The following FARP2 variants were observed in gnomAD, a reference collection of about 807,000 sequenced individuals.
FARP2 encodes the protein FERM, ARHGEF and pleckstrin domain-containing protein 2.
In FARP2, 111 loss-of-function variants were observed where a neutral mutation model predicts 130.5. The ratio of observed to expected loss-of-function variants is 0.85; its 90% CI spans 0.73 to 1.00. The LOEUF (loss-of-function observed/expected upper bound fraction) is 1.00. Ranked by LOEUF, FARP2 falls within the 50% of genes least tolerant of loss-of-function variation. The pLI is 0.00. For synonymous variants in FARP2, 504 were observed against 516.9 expected (o/e 0.98, Z 0.34); for missense variants, 1,385 against 1,346.3 (o/e 1.03, Z -0.45).
rs1291410261 is a variant in FARP2, at chr2:241,456,824, C to G, written c.1489C>G (p.Pro497Ala). 7 of 1,613,960 alleles carry G rather than the reference C, an allele frequency of 4.3e-6. No homozygotes were observed. The highest frequency in any genetic ancestry group is 5.9e-6 in the Non-Finnish European group (7 of 1,179,980). ...GAGTCTGAGCCCTGCATTTCAGGTG[C>G]CTTTGGGCCCAGCTGAACAGGGCTC... is the stretch of plus-strand genomic sequence containing the variant. ...PLSLSPAFQV[P>A]LGPAEQGSSP... The change falls in exon 14 of 27, where the codon CCT becomes GCT. Residue 497 changes from proline (P) to alanine (A), a missense_variant. Coordinates refer to ENST00000264042, the MANE Select transcript of FARP2 (RefSeq NM_014808.4).
At chr2:241,400,370 G>A (rs2062137203) in intron 2 of FARP2, among the ~76,000 whole-genome samples, 1 of 152,228 alleles carries the variant, frequency 6.6e-6, no homozygotes, top group African/African-American at 2.4e-5. Context: ...GTGAGCCAGA[G>A]CTGGAGCTAC....
chr2:241,453,501 A>C (rs1002741267), intron 13 of FARP2, among the ~76,000 whole-genome samples: 3 of 151,684 alleles, frequency 2.0e-5, no homozygotes, highest in African/African-American at 7.3e-5. Flanking sequence ...GGGAGCCTGT[A>C]GTCCCAGCTA....
At chr2:241,486,992 G>A (rs1380880214) in intron 21 of FARP2, among the ~76,000 whole-genome samples, 1 of 146,998 alleles carries the variant, frequency 6.8e-6, no homozygotes, top group East Asian at 1.9e-4. Context: ...CTGTCGGTGA[G>A]GCCAGCCTGG....
chr2:241,445,685 C>T (rs994767401), intron 13 of FARP2: 28 of 152,332 alleles, frequency 1.8e-4, no homozygotes, highest in South Asian at 4.1e-4. Flanking sequence ...GCAGATTTGA[C>T]TCAGCACTCC....
intron 2 of FARP2, among the ~76,000 whole-genome samples, chr2:241,385,224 A>C (rs1020942139): frequency 2.3e-4 from 35 of 152,300 alleles, no homozygotes; most frequent in African/African-American, 8.4e-4. Flanking sequence ...GGTTGCTAGA[A>C]AGTAAGTTAT....
At chr2:241,435,261 G>A (rs2063196753) in intron 11 of FARP2, among the ~76,000 whole-genome samples, 2 of 147,480 alleles carry the variant, frequency 1.4e-5, no homozygotes, top group Non-Finnish European at 3.0e-5. Flanking sequence ...CCCCTGGCTA[G>A]TTTTTTTTGT....
At chr2:241,357,034 A>G (rs1476698) in intron 1 of FARP2, among the ~76,000 whole-genome samples, 59,829 of 152,134 alleles carry the variant, frequency 0.39, 12,236 homozygotes, top group East Asian at 0.67. Flanking sequence ...TACACACCCG[A>G]ATTACGGGCA....
At position 241,431,742 on chromosome 2, in the gene FARP2, A is replaced by G. The variant is rs2063096885; in HGVS notation, c.835A>G (p.Arg279Gly). ...CCGTAAACTAAGCTTCAAGAGGAAA[A>G]GATTTCTTATCAAACTTCATCCAGA... ...KVRKLSFKRKRFLIKLHPEVH... is the reference protein window; with the variant it reads ...KVRKLSFKRKGFLIKLHPEVH... The change falls in exon 9 of 27, where the codon AGA becomes GGA. Residue 279 changes from arginine (R) to glycine (G), a missense_variant. Transcript: ENST00000264042. 2.5e-6 allele frequency: 4 copies of G among 1,587,898 alleles called. No homozygotes were observed. The highest frequency in any genetic ancestry group is 3.4e-6 in the Non-Finnish European group (4 of 1,160,150).
chr2:241,477,591 G>A (rs576559729), intron 19 of FARP2, among the ~76,000 whole-genome samples: 1 of 152,258 alleles, frequency 6.6e-6, no homozygotes, highest in Non-Finnish European at 1.5e-5. Flanking sequence ...TTTCAGTTTT[G>A]AGTATATACC....
Position 241,489,978 on chromosome 2 carries a change from A to C in FARP2, c.2438A>C (p.Asn813Thr). 1 of 1,613,480 alleles carries C rather than the reference A, an allele frequency of 6.2e-7. No homozygotes were observed. The highest frequency in any genetic ancestry group is 8.5e-7 in the Non-Finnish European group (1 of 1,179,448). The change falls in exon 22 of 27, where the codon AAC (asparagine) becomes ACC (threonine). Residue 813 changes from asparagine to threonine, a missense_variant. Transcript: ENST00000264042. ...LQGMLVEESD[N>T]EWSVPHCFTI... The stretch of plus-strand genomic sequence containing the variant: ...CACCCACAGGTGGAAGAAAGTGATA[A>C]CGAGTGGTCTGTTCCACACTGTTTC...
chr2:241,425,927 A>AT (rs530395257), intron 8 of FARP2, among the ~76,000 whole-genome samples: 2,626 of 145,880 alleles, frequency 0.018, 40 homozygotes, highest in Non-Finnish European at 0.023. Context: ...GCATTTGGCG[A>AT]TTTTTTTTTT....
intron 7 of FARP2, 59 bp from the exon 8 acceptor site, chr2:241,417,903 T>C (rs1380540133): frequency 6.3e-7 from 1 of 1,582,204 alleles, no homozygotes; most frequent in Admixed American, 1.7e-5. Flanking sequence ...TATAATGCAT[T>C]TTGGCTCTTT....
chr2:241,491,665 A>G lies in FARP2; in HGVS notation c.2773A>G (p.Ser925Gly), dbSNP rs1481393848. Residue 925 changes from serine (S) to glycine (G), a missense_variant, in exon 24 of 27, where the codon AGT becomes GGT. Physicochemically the swap from Ser to Gly is moderately conservative, Grantham distance 56 (BLOSUM62 0). Coordinates refer to ENST00000264042, the MANE Select transcript of FARP2 (RefSeq NM_014808.4). ...RNTSVSRADH[S>G]AAVENQLSGY... ...CACCAGCGTGTCCAGGGCAGACCAC[A>G]GTGCAGCTGTCGAGGTACGACCGCA... 1 of 1,605,536 alleles carries G rather than the reference A, an allele frequency of 6.2e-7. No homozygotes were observed. The highest frequency in any genetic ancestry group is 8.5e-7 in the Non-Finnish European group (1 of 1,174,816).
intron 5 of FARP2, 62 bp downstream of exon 5, chr2:241,407,677 C>A: frequency 8.1e-7 from 1 of 1,229,894 alleles, no homozygotes; most frequent in South Asian, 1.2e-5. Flanking sequence ...CTGTTATCTC[C>A]CACAGCACCT....
chr2:241,437,363 C>T (rs1316373578), intron 12 of FARP2, among the ~76,000 whole-genome samples: 3 of 152,196 alleles, frequency 2.0e-5, no homozygotes, highest in South Asian at 2.1e-4. Context: ...GGGACATCAG[C>T]GACCTTCTCA....
chr2:241,362,186 C>G (rs1458854713), intron 1 of FARP2, among the ~76,000 whole-genome samples: 1 of 152,196 alleles, frequency 6.6e-6, no homozygotes, highest in African/African-American at 2.4e-5. Context: ...TGTGAGCCAT[C>G]ACGCCCGGTC....
chr2:241,470,449 G>A (rs2064277815), intron 18 of FARP2, among the ~76,000 whole-genome samples: 1 of 151,686 alleles, frequency 6.6e-6, no homozygotes, highest in South Asian at 2.1e-4. Flanking sequence ...GGACGGAGGG[G>A]GACCCAATTC....
intron 26 of FARP2, 150 bp downstream of exon 26, chr2:241,493,594 TTTG>T (rs1388445355): frequency 6.4e-6 from 4 of 628,234 alleles, no homozygotes; most frequent in African/African-American, 2.0e-5. Flanking sequence ...ACAGCAATGC[TTTG>T]TTTTTTTTTT....
At chr2:241,465,763 G>GCT in intron 17 of FARP2, 1 of 1,550,634 alleles carries the variant, frequency 6.4e-7, no homozygotes, top group African/African-American at 1.4e-5. Flanking sequence ...GACGACTCAA[G>GCT]CTCCCCCTCC....
Sources: allele counts gnomAD v4.1 joint callset (sites outside exome capture counted in the v4.1 genomes callset), GRCh38; gene constraint gnomAD v4.1.1; transcripts MANE v1.5; gene names NCBI Gene and HGNC (gene_info 2026-07-23, HGNC 2026-07-21).